SLC8A1: variants seen among roughly 807,000 people sequenced by gnomAD.
SLC8A1 encodes solute carrier family 8 member A1.
Under a neutral mutation model 68.3 loss-of-function variants are expected in SLC8A1, and 18 were observed. That is an observed-to-expected ratio of 0.26 (90% CI 0.18 to 0.39). The LOEUF is 0.39. Ranked by LOEUF, SLC8A1 falls within the 10% of genes least tolerant of loss-of-function variation. The pLI, the probability that SLC8A1 is intolerant of heterozygous loss-of-function variation, is 1.00. For missense variants in SLC8A1, 985 were observed against 1,156.7 expected (o/e 0.85, Z 2.15); for synonymous variants, 475 against 415.5 (o/e 1.14, Z -1.74).
chr2:40,354,102 G>T (rs1474797853), intron 2 of SLC8A1, among the ~76,000 whole-genome samples: 1 of 152,118 alleles, frequency 6.6e-6, no homozygotes, highest in Non-Finnish European at 1.5e-5. Context: ...ATGTAATTAG[G>T]TTAAATATTT....
chr2:40,445,767 T>A (rs570824436), intron 1 of SLC8A1, among the ~76,000 whole-genome samples: 86 of 152,256 alleles, frequency 5.6e-4, no homozygotes, highest in African/African-American at 1.9e-3. Flanking sequence ...TGCCCAACAC[T>A]GATTCACAAA....
chr2:40,396,670 G>GA (rs1278138809), intron 2 of SLC8A1, among the ~76,000 whole-genome samples: 1 of 124,514 alleles, frequency 8.0e-6, no homozygotes, highest in African/African-American at 3.2e-5. Context: ...TCTTTAAAAA[G>GA]AAAAAAAGAT....
chr2:40,185,541 C>G lies in SLC8A1; in HGVS notation c.1809-7686G>C, dbSNP rs867053079. 2.0e-5 allele frequency among the ~76,000 whole-genome samples: 3 copies of G among 152,042 alleles called. No homozygotes were observed. The South Asian group carries it at 6.2e-4, about 32-fold the overall frequency. On this transcript the variant is annotated intron_variant, in intron 2 of 7. Transcript: ENST00000406785. The stretch of plus-strand genomic sequence containing the variant: ...TGTTATAGGAAAAGTCCAGAATAGG[C>G]AAATCCAGAGACAGAAAGCAGATTA...
chr2:40,207,449 G>C (rs1033923247), intron 2 of SLC8A1, among the ~76,000 whole-genome samples: 3 of 151,798 alleles, frequency 2.0e-5, no homozygotes, highest in Non-Finnish European at 2.9e-5. Flanking sequence ...CAAATGTTGG[G>C]TTCTATTTCT....
At chr2:40,274,525 T>G (rs1226640850) in intron 2 of SLC8A1, among the ~76,000 whole-genome samples, 1 of 152,102 alleles carries the variant, frequency 6.6e-6, no homozygotes, top group African/African-American at 2.4e-5. Flanking sequence ...TGTACACTTA[T>G]GCAACTCTTT....
intron 2 of SLC8A1, among the ~76,000 whole-genome samples, chr2:40,323,151 C>T (rs953097669): frequency 1.3e-5 from 2 of 152,056 alleles, no homozygotes; most frequent in African/African-American, 4.8e-5. Context: ...TGCTTTTGTT[C>T]TCGAGCTTCC....
chr2:40,418,555 A>G (rs1694564140), intron 2 of SLC8A1, among the ~76,000 whole-genome samples: 1 of 152,200 alleles, frequency 6.6e-6, no homozygotes, highest in Non-Finnish European at 1.5e-5. Context: ...TTCCTGGCTA[A>G]GTACTTTCAA....
intron 1 of SLC8A1, among the ~76,000 whole-genome samples, chr2:40,449,301 T>C (rs529302667): frequency 6.6e-6 from 1 of 152,328 alleles, no homozygotes; most frequent in Admixed American, 6.5e-5. Flanking sequence ...TCCTTGGATC[T>C]GCACAGCTTT....
chr2:40,346,187 A>G (rs533500575), intron 2 of SLC8A1, among the ~76,000 whole-genome samples: 125 of 152,052 alleles, frequency 8.2e-4, no homozygotes, highest in Non-Finnish European at 1.4e-3. Flanking sequence ...GCCTGGCTGT[A>G]CATCTCTATA....
At chr2:40,249,144 G>A (rs1386217251) in intron 2 of SLC8A1, among the ~76,000 whole-genome samples, 2 of 152,072 alleles carry the variant, frequency 1.3e-5, no homozygotes, top group Non-Finnish European at 2.9e-5. Context: ...GCTAAGATCT[G>A]CACTACTTTG....
At chr2:40,486,525 C>T (rs1704977486) in intron 1 of SLC8A1, among the ~76,000 whole-genome samples, 1 of 152,086 alleles carries the variant, frequency 6.6e-6, no homozygotes, top group Admixed American at 6.6e-5. Flanking sequence ...AAATAATTTT[C>T]ATACTCCATA....
chr2:40,354,485 G>T (rs987439094), intron 2 of SLC8A1, among the ~76,000 whole-genome samples: 1 of 152,154 alleles, frequency 6.6e-6, no homozygotes, highest in East Asian at 1.9e-4. Context: ...TGTGGCATTT[G>T]TGTCAATGGA....
intron 1 of SLC8A1, among the ~76,000 whole-genome samples, chr2:40,463,732 G>T (rs113770295): frequency 6.6e-6 from 1 of 151,656 alleles, no homozygotes; most frequent in East Asian, 1.9e-4. Context: ...GTGGAATCTT[G>T]TTCTTTTTTT....
exon 8 of SLC8A1, chr2:40,102,143 C>G (rs2373789): frequency 0.69 from 105,215 of 151,928 alleles, 37,116 homozygotes; most frequent in Non-Finnish European, 0.77. Flanking sequence ...TCAGTATATA[C>G]AGCAAACCTA....
chr2:40,272,210 T>G (rs2066133080), intron 2 of SLC8A1, among the ~76,000 whole-genome samples: 1 of 152,188 alleles, frequency 6.6e-6, no homozygotes, highest in Non-Finnish European at 1.5e-5. Flanking sequence ...ATGTCTCTCC[T>G]TTGTTCTTAT....
intron 2 of SLC8A1, among the ~76,000 whole-genome samples, chr2:40,350,587 C>CAAAAAAAAAAAAAAA (rs572258156): frequency 1.3e-5 from 1 of 76,212 alleles, no homozygotes; most frequent in Non-Finnish European, 2.6e-5. Context: ...CCCAGACAAG[C>CAAAAAAAAAAAAAAA]AAAAAAAAAA....
chr2:40,196,618 C>A (rs2053086773), intron 2 of SLC8A1, among the ~76,000 whole-genome samples: 1 of 152,030 alleles, frequency 6.6e-6, no homozygotes, highest in South Asian at 2.1e-4. Flanking sequence ...ATGCAATGAT[C>A]CATCAATTGG....
At chr2:40,304,901 T>G (rs1032723306) in intron 2 of SLC8A1, among the ~76,000 whole-genome samples, 2 of 152,170 alleles carry the variant, frequency 1.3e-5, no homozygotes, top group Non-Finnish European at 2.9e-5. Context: ...GACTTCCGCT[T>G]TTGAGAATCT....
At chr2:40,187,732 C>T (rs988816575) in intron 2 of SLC8A1, among the ~76,000 whole-genome samples, 8 of 152,084 alleles carry the variant, frequency 5.3e-5, no homozygotes, top group African/African-American at 1.7e-4. Context: ...GTTGACTACT[C>T]GAAAGAGATA....
Sources: allele counts gnomAD v4.1 joint callset (sites outside exome capture counted in the v4.1 genomes callset), GRCh38; gene constraint gnomAD v4.1.1; transcripts MANE v1.5; gene names NCBI Gene and HGNC (gene_info 2026-07-23, HGNC 2026-07-21).